Variants in TMEM63A observed in about 807,000 individuals in gnomAD.
TMEM63A encodes the protein transmembrane protein 63A.
A neutral mutation model predicts 100.6 loss-of-function variants in TMEM63A; 76 were observed. The ratio of observed to expected loss-of-function variants is 0.76; its 90% CI spans 0.63 to 0.91. TMEM63A has a LOEUF of 0.91. Ranked by LOEUF, TMEM63A falls within the 40% of genes least tolerant of loss-of-function variation. The pLI is 0.00. For missense variants in TMEM63A, 876 were observed against 1,008.8 expected (o/e 0.87, Z 1.78); for synonymous variants, 401 against 401.1 (o/e 1.00, Z 0.00).
At position 225,873,151 on chromosome 1, in the gene TMEM63A, AC is replaced by A. The variant is rs372984628; in HGVS notation, c.267-1099del. Among the ~76,000 whole-genome samples the A allele has an allele frequency of 5.0e-4, 76 of 152,236 alleles. 2 individuals are homozygous for A. The highest frequency in any genetic ancestry group is 1.7e-3 in the African/African-American group (71 of 41,538). On this transcript the variant is annotated intron_variant, in intron 4 of 24. Coordinates refer to ENST00000366835, the MANE Select transcript of TMEM63A (RefSeq NM_014698.3). ...GGGAAGAGAGGACAGAAGGAGACCG[AC>A]CCTATTAAGTTTGGGGCCTTGACCA...
At chr1:225,843,508 AGGGGTT>A (rs1668615450), downstream of TMEM63A, among the ~76,000 whole-genome samples, 1 of 152,136 alleles carries the variant, frequency 6.6e-6, no homozygotes, top group South Asian at 2.1e-4. Flanking sequence ...AGCAGGACAC[AGGGGTT>A]GATGGAGCTT....
Position 225,856,901 on chromosome 1 carries a change from G to A in TMEM63A, c.1484+10C>T, listed in dbSNP as rs761187877. 2.4e-5 allele frequency: 39 copies of A among 1,608,902 alleles called. No individual in the cohort carries two copies. The highest frequency in any genetic ancestry group is 7.7e-5 in the South Asian group (7 of 90,400). On this transcript the variant is annotated intron_variant, in intron 16 of 24. Coordinates refer to ENST00000366835, the MANE Select transcript of TMEM63A (RefSeq NM_014698.3). ...TTAGGGGCAGGGCCTCGGGGCTCCC[G>A]GGCACTCACTTGGTCCAGTGAGACT...
chr1:225,852,672 G>A lies in TMEM63A; in HGVS notation c.1895C>T (p.Ala632Val), dbSNP rs116201959. The change falls in exon 20 of 25, where the codon GCG (alanine) becomes GTG (valine). Residue 632 changes from alanine to valine, a missense_variant. Ala to Val is a moderately conservative substitution (Grantham distance 64, BLOSUM62 0). Coordinates refer to ENST00000366835, the MANE Select transcript of TMEM63A (RefSeq NM_014698.3). ...VAYSITCPII[A>V]PFGLIYILLK... ...GCTCCAGGGCCACTCACCAAATGGC[G>A]CGATGATGGGACAAGTGATGCTGTA... 220 of 1,612,886 alleles carry A rather than the reference G, an allele frequency of 1.4e-4. No individual in the cohort carries two copies. The highest frequency in any genetic ancestry group is 3.5e-4 in the African/African-American group (26 of 74,998).
chr1:225,858,005 G>A (rs1248086890), intron 15 of TMEM63A, among the ~76,000 whole-genome samples: 2 of 152,128 alleles, frequency 1.3e-5, no homozygotes, highest in Admixed American at 6.6e-5. Flanking sequence ...ACAGCCTCAC[G>A]CCCTGTATAA....
At chr1:225,872,772 G>A (rs1484748635) in intron 4 of TMEM63A, among the ~76,000 whole-genome samples, 1 of 144,188 alleles carries the variant, frequency 6.9e-6, no homozygotes, top group East Asian at 2.0e-4. Context: ...TTGGCTCACT[G>A]CAAGCTCTGC....
chr1:225,863,066 TGTTTA>T (rs879714374), intron 10 of TMEM63A: 11 of 560,786 alleles, frequency 2.0e-5, no homozygotes, highest in South Asian at 4.0e-5. Context: ...TGTTTTGTTT[TGTTTA>T]GAGACAGGGT....
In TMEM63A at chr1:225,851,619, T is replaced by C. The variant is rs566000827; in HGVS notation, c.1903+1045A>G. Among the ~76,000 whole-genome samples, 3 of 152,350 alleles carry C rather than the reference T, an allele frequency of 2.0e-5. No individual in the cohort carries two copies. The South Asian group carries it at 6.2e-4, about 32-fold the overall frequency. ...TTTTGACCTCAGGTGATGCACTGCC[T>C]AGGCCTCCCAAAGTGCTGGGATTAC... On this transcript the variant is annotated intron_variant, in intron 20 of 24. Coordinates refer to ENST00000366835, the MANE Select transcript of TMEM63A (RefSeq NM_014698.3).
chr1:225,864,751 C>T (rs1670114962), intron 10 of TMEM63A: 1 of 152,232 alleles, frequency 6.6e-6, no homozygotes, highest in Admixed American at 6.5e-5. Context: ...CAAGTGCTTT[C>T]TTCACAAATA....
chr1:225,875,492 T>C (rs1670736654), intron 3 of TMEM63A, among the ~76,000 whole-genome samples: 2 of 152,214 alleles, frequency 1.3e-5, no homozygotes, highest in South Asian at 2.1e-4. Context: ...GGCTTTGTTT[T>C]CCTAAAGGAA....
intron 2 of TMEM63A, among the ~76,000 whole-genome samples, chr1:225,878,522 G>T (rs542569493): frequency 1.3e-5 from 2 of 152,098 alleles, no homozygotes; most frequent in Non-Finnish European, 2.9e-5. Context: ...GGCTCCTGGC[G>T]CCCCTGGTGA....
At position 225,852,724 on chromosome 1, in the gene TMEM63A, G is replaced by A. The variant is rs1469368597; in HGVS notation, c.1843C>T (p.Leu615=). 1 of 1,613,872 alleles carries A rather than the reference G, an allele frequency of 6.2e-7. No individual in the cohort carries two copies. The highest frequency in any genetic ancestry group is 1.3e-5 in the African/African-American group (1 of 74,922). The change falls in exon 20 of 25, where the codon CTG becomes TTG. Residue 615 remains leucine (L), a synonymous_variant. Transcript: ENST00000366835. ...GCCACGATGACAGTGAAGACACACA[G>A]CATCCATGCATACATGGCTCCAAAC... The part of the protein sequence containing the change: ...YEFGAMYAWM[L]CVFTVIVAYS...
chr1:225,844,122 GAAGGT>G (rs753756643), downstream of TMEM63A, among the ~76,000 whole-genome samples: 26 of 152,322 alleles, frequency 1.7e-4, no homozygotes, highest in African/African-American at 6.0e-4. Flanking sequence ...TGAATTAAAA[GAAGGT>G]AAGGAGCTTA....
chr1:225,845,216 G>C, downstream of TMEM63A: 1 of 1,614,164 alleles, frequency 6.2e-7, no homozygotes, highest in South Asian at 1.1e-5. Context: ...TGAAAAGTGG[G>C]TGAGGTTCAA....
Position 225,877,567 on chromosome 1 carries a change from G to A in TMEM63A, c.14C>T (p.Pro5Leu), listed in dbSNP as rs756105944. MMDS[P>L]FLELWQSKAV... is the part of the protein sequence containing the mutation. The stretch of plus-strand genomic sequence containing the variant: ...CTTGGACTGCCACAGCTCCAGGAAC[G>A]GGGAGTCCATCATCGCGCCTGTCTT... The change falls in exon 3 of 25, where the codon CCG (proline) becomes CTG (leucine). Residue 5 changes from proline to leucine, a missense_variant. Coordinates refer to ENST00000366835, the MANE Select transcript of TMEM63A (RefSeq NM_014698.3). 47 of 1,613,400 alleles carry A rather than the reference G, an allele frequency of 2.9e-5. No individual in the cohort carries two copies. The East Asian group carries it at 6.0e-4, about 21-fold the overall frequency.
At chr1:225,874,419 G>A (rs1162173118) in intron 3 of TMEM63A, 52 bp from the exon 4 acceptor site, 1 of 1,535,760 alleles carries the variant, frequency 6.5e-7, no homozygotes, top group Non-Finnish European at 8.9e-7. Context: ...CTTCTCATTA[G>A]AAGACACAGC....
At chr1:225,874,168 GACAC>G (rs113985759) in intron 4 of TMEM63A, 116 bp downstream of exon 4, 114 of 949,608 alleles carry the variant, frequency 1.2e-4, no homozygotes, top group Admixed American at 1.4e-4. Context: ...CCATTCCAGG[GACAC>G]ACACACACAC....
rs1014190298 is a variant in TMEM63A, at chr1:225,852,648, C to T, written c.1903+16G>A. Reference sequence around the variant, plus strand: ...ATGTACCCATGTACCCTGGGACAGGCTCCAGGGCCACTCACCAAATGGCGC... The same window carrying T: ...ATGTACCCATGTACCCTGGGACAGGTTCCAGGGCCACTCACCAAATGGCGC... On this transcript the variant is annotated intron_variant, in intron 20 of 24. Transcript: ENST00000366835. 6 of 1,609,212 alleles carry T rather than the reference C, an allele frequency of 3.7e-6. No individual in the cohort carries two copies. The highest frequency in any genetic ancestry group is 4.2e-6 in the Non-Finnish European group (5 of 1,177,140).
At chr1:225,871,765 TC>T (rs1670517153) in intron 5 of TMEM63A, 1 of 540,582 alleles carries the variant, frequency 1.8e-6, no homozygotes. Context: ...CCCAAGGGAT[TC>T]CGTACCCCTT....
At chr1:225,847,323 A>G (rs1471173237) in intron 23 of TMEM63A, 110 bp from the exon 24 acceptor site, 2 of 1,361,910 alleles carry the variant, frequency 1.5e-6, no homozygotes, top group Non-Finnish European at 9.9e-7. Flanking sequence ...CATAAAGGAC[A>G]TATGAAGAAA....
Sources: gnomAD v4.1 joint callset for allele counts (sites outside exome capture counted in the v4.1 genomes callset) on GRCh38, gnomAD v4.1.1 for gene constraint, MANE v1.5 for transcripts, NCBI Gene and HGNC (gene_info 2026-07-23, HGNC 2026-07-21) for gene names.